Variants in TRIO observed in about 807,000 individuals in gnomAD.
The protein encoded by TRIO is trio Rho guanine nucleotide exchange factor.
TRIO carries 58 observed loss-of-function variants against 351.9 expected under a neutral mutation model. The observed-to-expected ratio is 0.16, with a 90% confidence interval of 0.13 to 0.21. The LOEUF (loss-of-function observed/expected upper bound fraction) is 0.21. Among genes scored for constraint, TRIO ranks in the 10% least tolerant of loss-of-function variants. The pLI is 1.00. For synonymous variants in TRIO, 1,758 were observed against 1,595.7 expected (o/e 1.10, Z -2.42); for missense variants, 3,201 against 4,027.8 (o/e 0.79, Z 5.56).
At chr5:14,254,605 G>T (rs77957853) in intron 1 of TRIO, among the ~76,000 whole-genome samples, 18,470 of 152,086 alleles carry the variant, frequency 0.12, 1,554 homozygotes, top group African/African-American at 0.24. Context: ...TCTTGGCTCT[G>T]TTCTCCCGCG....
chr5:14,492,441 G>A (rs1174593733), intron 48 of TRIO, 126 bp from the exon 49 acceptor site: 4 of 1,313,010 alleles, frequency 3.0e-6, no homozygotes, highest in South Asian at 1.5e-5. Flanking sequence ...AAATTTCTCG[G>A]TGCTTGCCTG....
At chr5:14,263,364 T>TA (rs1450375536) in intron 1 of TRIO, among the ~76,000 whole-genome samples, 5 of 151,836 alleles carry the variant, frequency 3.3e-5, no homozygotes, top group Non-Finnish European at 7.4e-5. Context: ...CCCAGTTCCT[T>TA]ATGTAGTAAT....
intron 1 of TRIO, among the ~76,000 whole-genome samples, chr5:14,194,625 T>A (rs1249912238): frequency 1.3e-5 from 2 of 152,246 alleles, no homozygotes; most frequent in African/African-American, 4.8e-5. Context: ...TACAGAGGCA[T>A]ATCTCTGAAT....
intron 1 of TRIO, among the ~76,000 whole-genome samples, chr5:14,205,030 G>A (rs972185649): frequency 6.6e-6 from 1 of 152,184 alleles, no homozygotes; most frequent in East Asian, 1.9e-4. Context: ...CCTGCTCTCT[G>A]TTTCCACCGT....
In TRIO at chr5:14,178,988, G is replaced by A. The variant is rs568225998; in HGVS notation, c.157+35106G>A. Among the ~76,000 whole-genome samples the A allele has an allele frequency of 4.6e-5, 7 of 152,302 alleles. No homozygotes were observed. In the South Asian group the frequency reaches 1.0e-3, roughly 23 times the overall value. ...TGTCAGCCCCCAGGACCTGGCTTGCGTCCTACCCTTCTTTACCAAGAGCTC... is the reference window on the plus strand; with the variant it reads ...TGTCAGCCCCCAGGACCTGGCTTGCATCCTACCCTTCTTTACCAAGAGCTC... On this transcript the variant is annotated intron_variant, in intron 1 of 56. Transcript: ENST00000344204.
chr5:14,336,503 C>G (rs748785691), intron 10 of TRIO, 33 bp from the exon 11 acceptor site: 8 of 1,605,968 alleles, frequency 5.0e-6, no homozygotes, highest in Non-Finnish European at 6.8e-6. Context: ...TTTTCACTTA[C>G]CTTCTGTTTC....
rs556044694 is a variant in TRIO at position 14,478,743 on chromosome 5, G to C, written c.6154-518G>C. Reference sequence around the variant, plus strand: ...CAAGGCAGGAGGGTTGCTGAGGCTAGTTTTGAGACCAGGCTGGGTGAAAAA... The same window carrying C: ...CAAGGCAGGAGGGTTGCTGAGGCTACTTTTGAGACCAGGCTGGGTGAAAAA... On this transcript the variant is annotated intron_variant, in intron 41 of 56. Transcript: ENST00000344204. Among the ~76,000 whole-genome samples the C allele has an allele frequency of 2.8e-5, 4 of 143,124 alleles. No homozygotes were observed. The South Asian group carries it at 9.0e-4, about 32-fold the overall frequency. The allele number at this position is 143,124 out of a possible 152,430, so 93.9% of individuals were successfully genotyped here.
chr5:14,286,748 C>G lies in TRIO; in HGVS notation c.348-123C>G. The G allele has an allele frequency of 2.0e-6, 2 of 983,686 alleles. No homozygotes were observed. The highest frequency in any genetic ancestry group is 3.0e-6 in the Non-Finnish European group (2 of 673,924). 60.9% of individuals were successfully genotyped at this position (983,686 alleles called of 1,614,324 possible). On this transcript the variant is annotated intron_variant, in intron 3 of 56. Transcript: ENST00000344204. The surrounding 1 kb of genome is among the most constrained non-coding windows in gnomAD (Gnocchi z 4.4). The stretch of plus-strand genomic sequence containing the variant: ...AGGAGCTGAGCACAGTGTGCTCCTT[C>G]CCCTGCCTCCGCACGTGTCCAGCAG...
rs1027552174 is a variant in TRIO, at chr5:14,488,276, G to A, written c.7632+16G>A. 5.8e-6 allele frequency: 9 copies of A among 1,540,290 alleles called. No individual in the cohort carries two copies. Among genetic ancestry groups the A allele is most frequent in the African/African-American group, 2.7e-5 (2 of 73,402 alleles). On this transcript the variant is annotated intron_variant, in intron 48 of 56. Coordinates refer to ENST00000344204, the MANE Select transcript of TRIO (RefSeq NM_007118.4). ...GAGCAACGGGGTAAGCGCGTCGGGG[G>A]GCCCGCGCCCTCCCGCCCCCCTGCC... is the stretch of plus-strand genomic sequence containing the variant.
chr5:14,339,599 G>A (rs60616404), intron 11 of TRIO, among the ~76,000 whole-genome samples: 1 of 152,060 alleles, frequency 6.6e-6, no homozygotes, highest in Non-Finnish European at 1.5e-5. Context: ...TTGTGTGCAC[G>A]TCACGTAACC....
intron 41 of TRIO, 48 bp from the exon 42 acceptor site, chr5:14,479,213 C>G: frequency 6.6e-7 from 1 of 1,508,278 alleles, no homozygotes. Context: ...GTATTCTAAT[C>G]GAATTTCCCA....
chr5:14,364,391 G>A (rs1744417023), intron 14 of TRIO, among the ~76,000 whole-genome samples: 1 of 152,134 alleles, frequency 6.6e-6, no homozygotes, highest in African/African-American at 2.4e-5. Context: ...AAAAAACCCT[G>A]AAATTCGCTC....
intron 27 of TRIO, 26 bp from the exon 28 acceptor site, chr5:14,394,012 T>C (rs761148207): frequency 2.6e-6 from 4 of 1,540,598 alleles, no homozygotes; most frequent in African/African-American, 2.7e-5. Context: ...ATGATAACTC[T>C]TGTTTCTTGT....
At chr5:14,196,313 C>T (rs577424335) in intron 1 of TRIO, among the ~76,000 whole-genome samples, 19 of 150,440 alleles carry the variant, frequency 1.3e-4, no homozygotes, top group South Asian at 4.2e-4. Flanking sequence ...ATCCCAGCTA[C>T]TCGGGAGGCT....
intron 54 of TRIO, 65 bp from the exon 55 acceptor site, chr5:14,504,326 AAC>A: frequency 6.4e-7 from 1 of 1,556,920 alleles, no homozygotes; most frequent in South Asian, 1.1e-5. Flanking sequence ...CATTTAGGAT[AAC>A]AGAGTCTTTC....
intron 9 of TRIO, among the ~76,000 whole-genome samples, chr5:14,328,839 G>A (rs556555653): frequency 6.6e-6 from 1 of 152,310 alleles, no homozygotes; most frequent in South Asian, 2.1e-4. Context: ...TGGAGGGGTG[G>A]AAATGAGACC....
intron 1 of TRIO, chr5:14,183,905 T>C (rs1159637773): frequency 8.6e-6 from 6 of 695,462 alleles, no homozygotes; most frequent in Non-Finnish European, 1.6e-5. Flanking sequence ...TTTATTTTCG[T>C]GGTAACCGTT....
At chr5:14,405,283 T>G (rs905635738) in intron 31 of TRIO, among the ~76,000 whole-genome samples, 1 of 152,154 alleles carries the variant, frequency 6.6e-6, no homozygotes, top group Admixed American at 6.5e-5. Flanking sequence ...CACACCTCAG[T>G]TGCTCATTTA....
At chr5:14,353,765 G>A (rs139876319) in intron 11 of TRIO, among the ~76,000 whole-genome samples, 396 of 152,224 alleles carry the variant, frequency 2.6e-3, no homozygotes, top group African/African-American at 5.5e-3. Flanking sequence ...TTGAATGATC[G>A]TTTATGGAAG....
Sources: allele counts gnomAD v4.1 joint callset (sites outside exome capture counted in the v4.1 genomes callset), GRCh38; gene constraint gnomAD v4.1.1; non-coding constraint Gnocchi (gnomAD v3.1); transcripts MANE v1.5; gene names NCBI Gene and HGNC (gene_info 2026-07-23, HGNC 2026-07-21).